Variants in SORCS3 observed in about 807,000 individuals in gnomAD.
The protein encoded by SORCS3 is sortilin related VPS10 domain containing receptor 3, also known as VPS10 domain-containing receptor SorCS3.
In SORCS3, 57 loss-of-function variants were observed where a neutral mutation model predicts 146.3. That is an observed-to-expected ratio of 0.39 (90% CI 0.31 to 0.49). The LOEUF (loss-of-function observed/expected upper bound fraction) is 0.49, where lower values mean the gene tolerates loss of function less well. Ranked by LOEUF, SORCS3 falls within the 20% of genes least tolerant of loss-of-function variation. The probability of loss-of-function intolerance (pLI) is 0.92; values close to 1 mark genes in which losing one functional copy is unlikely to be tolerated. For synonymous variants in SORCS3, 653 were observed against 618.5 expected, an observed-to-expected ratio of 1.06 and a Z score of -0.83; for missense variants, 1,341 against 1,575.5, an observed-to-expected ratio of 0.85 and a Z score of 2.52.
intron 5 of SORCS3, among the ~76,000 whole-genome samples, chr10:105,072,645 CTT>C: frequency 3.0e-5 from 3 of 101,056 alleles, no homozygotes; most frequent in South Asian, 3.9e-4. Context: ...CCTTTTCTTT[CTT>C]TCTCTCTCTC....
intron 16 of SORCS3, among the ~76,000 whole-genome samples, chr10:105,208,490 T>C (rs1315366210): frequency 6.6e-6 from 1 of 151,884 alleles, no homozygotes; most frequent in Non-Finnish European, 1.5e-5. Context: ...CATGGCAGAT[T>C]TCAAACTACC....
chr10:104,647,124 A>G (rs2015505006), intron 1 of SORCS3, among the ~76,000 whole-genome samples: 1 of 152,192 alleles, frequency 6.6e-6, no homozygotes, highest in African/African-American at 2.4e-5. Flanking sequence ...CAGTGTGTCT[A>G]CATTCTGGCT....
chr10:104,682,103 G>A (rs2015984578), intron 1 of SORCS3, among the ~76,000 whole-genome samples: 1 of 152,176 alleles, frequency 6.6e-6, no homozygotes, highest in Non-Finnish European at 1.5e-5. Flanking sequence ...TATAGAGGTG[G>A]GGAAACTTAG....
At chr10:105,242,476 TTATATATTTATATATTTA>T (rs1235578701) in intron 20 of SORCS3, among the ~76,000 whole-genome samples, 1,921 of 79,670 alleles carry the variant, frequency 0.024, 39 homozygotes, top group African/African-American at 0.031. Context: ...ATTTATATAT[TTATATATTTATATATTTA>T]TATATATTTA....
In SORCS3 at chr10:104,856,560, G is replaced by A. The variant is rs2018335003; in HGVS notation, c.695+13701G>A. Among the ~76,000 whole-genome samples, 5 of 143,530 alleles carry A rather than the reference G, an allele frequency of 3.5e-5. No individual in the cohort carries two copies. In the South Asian group the frequency reaches 1.1e-3, roughly 31 times the overall value. 94.2% of individuals were successfully genotyped at this position (143,530 alleles called of 152,430 possible). A position where few individuals can be genotyped will look rare whatever the true frequency, so the allele number is the denominator to read the frequency against. On this transcript the variant is annotated intron_variant, in intron 2 of 26. Coordinates refer to ENST00000369701, the MANE Select transcript of SORCS3 (RefSeq NM_014978.3). ...TATAAATATATACATAGAAATGTAT[G>A]TATTTGTGTATTCACATGTATATAT...
intron 4 of SORCS3, among the ~76,000 whole-genome samples, chr10:105,030,935 A>G (rs1277382274): frequency 6.6e-6 from 1 of 152,006 alleles, no homozygotes; most frequent in Non-Finnish European, 1.5e-5. Context: ...GGGAGGCTGA[A>G]TGAATCTACC....
At chr10:104,686,159 G>A (rs1278644007) in intron 1 of SORCS3, among the ~76,000 whole-genome samples, 2 of 152,178 alleles carry the variant, frequency 1.3e-5, no homozygotes, top group African/African-American at 4.8e-5. Context: ...CTATCTCTGC[G>A]GTGGGAGAAG....
intron 19 of SORCS3, among the ~76,000 whole-genome samples, chr10:105,221,020 T>C (rs1173329118): frequency 6.6e-6 from 1 of 152,196 alleles, no homozygotes; most frequent in Non-Finnish European, 1.5e-5. Context: ...GGCAGAGCGC[T>C]TTAGGCAGAA....
chr10:104,723,331 G>T (rs1221211954), intron 1 of SORCS3, among the ~76,000 whole-genome samples: 1 of 152,200 alleles, frequency 6.6e-6, no homozygotes, highest in African/African-American at 2.4e-5. Flanking sequence ...TGATTGCACT[G>T]TGGTCTGAGA....
chr10:104,939,694 T>C (rs2019293120), intron 3 of SORCS3, among the ~76,000 whole-genome samples: 1 of 152,164 alleles, frequency 6.6e-6, no homozygotes, highest in African/African-American at 2.4e-5. Context: ...AATGAATTTC[T>C]TGATGGGTCT....
At chr10:104,977,639 A>G in intron 4 of SORCS3, 146 bp downstream of exon 4, 1 of 715,308 alleles carries the variant, frequency 1.4e-6, no homozygotes. Context: ...TTTTGTCTGC[A>G]GCAACTAACT....
At chr10:104,722,753 G>A (rs2016566162) in intron 1 of SORCS3, among the ~76,000 whole-genome samples, 1 of 152,004 alleles carries the variant, frequency 6.6e-6, no homozygotes, top group Non-Finnish European at 1.5e-5. Flanking sequence ...TAGATTTTCT[G>A]GTTTATTTGC....
intron 2 of SORCS3, among the ~76,000 whole-genome samples, chr10:104,850,400 T>C (rs527300750): frequency 1.3e-5 from 2 of 152,252 alleles, no homozygotes; most frequent in African/African-American, 4.8e-5. Context: ...CAGGGAAACA[T>C]GGTAAAATCC....
Position 104,809,890 on chromosome 10 carries a change from C to T in SORCS3, c.628-32902C>T, listed in dbSNP as rs531380001. 3.9e-5 allele frequency among the ~76,000 whole-genome samples: 6 copies of T among 152,318 alleles called. No homozygotes were observed. The South Asian group carries it at 8.3e-4, about 21-fold the overall frequency. ...TAGTGGTGAAAGTGAAGTTGCTCAT[C>T]GAGCCACAGACTGTACACAGTGTCC... On this transcript the variant is annotated intron_variant, in intron 1 of 26. Transcript: ENST00000369701.
chr10:105,086,892 T>G (rs1422974017), intron 5 of SORCS3, among the ~76,000 whole-genome samples: 1 of 152,274 alleles, frequency 6.6e-6, no homozygotes, highest in Non-Finnish European at 1.5e-5. Context: ...TTTCTTTTGC[T>G]GCGTAGAAGC....
At chr10:104,751,562 T>C (rs1240283691) in intron 1 of SORCS3, among the ~76,000 whole-genome samples, 1 of 152,104 alleles carries the variant, frequency 6.6e-6, no homozygotes, top group Non-Finnish European at 1.5e-5. Flanking sequence ...CCAAAGCCCT[T>C]GCAAGGCACG....
chr10:105,184,303 A>G (rs1022456728), intron 14 of SORCS3, among the ~76,000 whole-genome samples: 4 of 152,264 alleles, frequency 2.6e-5, no homozygotes, highest in Non-Finnish European at 4.4e-5. Flanking sequence ...ATGAACACTG[A>G]ATCTTGAATT....
intron 7 of SORCS3, among the ~76,000 whole-genome samples, chr10:105,126,937 T>C (rs1279807819): frequency 6.6e-6 from 1 of 152,158 alleles, no homozygotes; most frequent in Non-Finnish European, 1.5e-5. Context: ...GTACATCTTG[T>C]ATGTTGTTTG....
intron 9 of SORCS3, among the ~76,000 whole-genome samples, chr10:105,156,828 C>T (rs1213570631): frequency 6.6e-6 from 1 of 152,092 alleles, no homozygotes; most frequent in Admixed American, 6.5e-5. Context: ...ACTCCCATCT[C>T]AGAGGGAATG....
Sources: gnomAD v4.1 joint callset for allele counts (sites outside exome capture counted in the v4.1 genomes callset) on GRCh38, gnomAD v4.1.1 for gene constraint, MANE v1.5 for transcripts, NCBI Gene and HGNC (gene_info 2026-07-23, HGNC 2026-07-21) for gene names.